ZW10: variants seen among roughly 807,000 people sequenced by gnomAD.
The protein encoded by ZW10 is zw10 kinetochore protein.
In ZW10, 53 loss-of-function variants were observed where a neutral mutation model predicts 87.8. The observed-to-expected ratio is 0.60, with a 90% CI of 0.48 to 0.76. The LOEUF is 0.76. ZW10 is among the 30% of genes least tolerant of loss of function. ZW10 has a pLI of 0.00. For missense variants in ZW10, 837 were observed against 923.0 expected (o/e 0.91, Z 1.21); for synonymous variants, 312 against 329.2 (o/e 0.95, Z 0.57).
chr11:113,749,220 T>C (rs1312470960), intron 7 of ZW10, among the ~76,000 whole-genome samples: 1 of 151,780 alleles, frequency 6.6e-6, no homozygotes, highest in Non-Finnish European at 1.5e-5. Flanking sequence ...TAGAAGAAAG[T>C]GAACATATTA....
At chr11:113,741,101 T>C (rs1953612102) in intron 11 of ZW10, among the ~76,000 whole-genome samples, 1 of 130,076 alleles carries the variant, frequency 7.7e-6, no homozygotes, top group African/African-American at 2.5e-5. Context: ...AACTAAAAAA[T>C]ACTTTAAATA....
In ZW10 at chr11:113,768,920, A is replaced by C; in HGVS notation, c.153T>G (p.Pro51=). The C allele has an allele frequency of 1.2e-6, 2 of 1,614,106 alleles. No homozygotes were observed. Among genetic ancestry groups the C allele is most frequent in the Non-Finnish European group, 1.7e-6 (2 of 1,179,952 alleles). ...TCAGGCCCTGCGCGCTCTGCATGCT[A>C]GGCAGGAATTCACTGTACTTCTTGC... ...MISKKYSEFL[P]SMQSAQGLIT... is the part of the protein sequence containing the mutation. The change falls in exon 2 of 16, where the codon CCT becomes CCG. Residue 51 remains proline (P), a synonymous_variant. Transcript: ENST00000200135.
Position 113,757,781 on chromosome 11 carries a change from T to G in ZW10, c.806A>C (p.Gln269Pro), listed in dbSNP as rs758194228. ...AAAACGAATAATAACTATGTTAGGC[T>G]GGCTTTCTATCACAGCATGAAGGGA... ...CPSLHAVIES[Q>P]PNIVIIRFES... The change falls in exon 7 of 16, where the codon CAG becomes CCG. Residue 269 changes from glutamine to proline, a missense_variant. Coordinates refer to ENST00000200135, the MANE Select transcript of ZW10 (RefSeq NM_004724.4). 6.2e-7 allele frequency: 1 copy of G among 1,613,954 alleles called. No homozygotes were observed. The highest frequency in any genetic ancestry group is 8.5e-7 in the Non-Finnish European group (1 of 1,179,858).
intron 1 of ZW10, among the ~76,000 whole-genome samples, chr11:113,771,965 A>G (rs1953972394): frequency 6.6e-6 from 1 of 152,254 alleles, no homozygotes; most frequent in African/African-American, 2.4e-5. Flanking sequence ...CAGGACTGAA[A>G]TGTAATACAG....
At chr11:113,758,732 G>A in intron 5 of ZW10, 26 bp from the exon 6 acceptor site, 1 of 1,611,670 alleles carries the variant, frequency 6.2e-7, no homozygotes, top group Non-Finnish European at 8.5e-7. Flanking sequence ...AAAAATATCA[G>A]CTGTCTCACC....
intron 7 of ZW10, among the ~76,000 whole-genome samples, chr11:113,754,302 T>C (rs934250476): frequency 6.6e-6 from 1 of 151,978 alleles, no homozygotes; most frequent in Non-Finnish European, 1.5e-5. Context: ...CTGGGCAACA[T>C]AGTGAAACCC....
rs753127322 is a variant in ZW10, at chr11:113,747,517, T to C, written c.1272+14A>G. ...ATACAATGTTTCATATACAATGCAA[T>C]ATAACACTGGTACCTTCACAGTGTT... On this transcript the variant is annotated intron_variant, in intron 9 of 15. Coordinates refer to ENST00000200135, the MANE Select transcript of ZW10 (RefSeq NM_004724.4). 8 of 1,606,760 alleles carry C rather than the reference T, an allele frequency of 5.0e-6. No homozygotes were observed. In the East Asian group the frequency reaches 1.3e-4, roughly 27 times the overall value.
Position 113,757,861 on chromosome 11 carries a change from A to G in ZW10, c.734-8T>C. ...ACTTCAGCAGCATCTGACCTGAAAA[A>G]TCATATGAACATTCATCAAAAAATC... On this transcript the variant is annotated splice_region_variant and splice_polypyrimidine_tract_variant and intron_variant, in intron 6 of 15. Transcript: ENST00000200135. 6.3e-7 allele frequency: 1 copy of G among 1,580,958 alleles called. No individual in the cohort carries two copies.
At chr11:113,760,470 GAAGA>G in intron 4 of ZW10, 39 bp downstream of exon 4, 1 of 1,604,528 alleles carries the variant, frequency 6.2e-7, no homozygotes, top group Non-Finnish European at 8.5e-7. Flanking sequence ...CTGAAAACAA[GAAGA>G]GCACTTATTG....
At chr11:113,752,980 A>G (rs1953749151) in intron 7 of ZW10, among the ~76,000 whole-genome samples, 2 of 152,190 alleles carry the variant, frequency 1.3e-5, no homozygotes, top group South Asian at 4.1e-4. Context: ...GGGTTTTTTT[A>G]GTGTAAACAT....
chr11:113,765,305 T>C lies in ZW10; in HGVS notation c.240+3528A>G, dbSNP rs529466265. Among the ~76,000 whole-genome samples the C allele has an allele frequency of 9.8e-5, 15 of 152,344 alleles. No homozygotes were observed. The East Asian group carries it at 2.7e-3, about 27-fold the overall frequency. ...TATGGGTAAGATGATGTGGAAACTG[T>C]CCACTAAAATCCATTCTCCTTCTTT... On this transcript the variant is annotated intron_variant, in intron 2 of 15. Coordinates refer to ENST00000200135, the MANE Select transcript of ZW10 (RefSeq NM_004724.4).
At chr11:113,768,570 G>C (rs1313918948) in intron 2 of ZW10, among the ~76,000 whole-genome samples, 1 of 152,080 alleles carries the variant, frequency 6.6e-6, no homozygotes, top group Admixed American at 6.5e-5. Flanking sequence ...ACTCACTTTG[G>C]CCACCACAAA....
chr11:113,757,546 TA>T, intron 7 of ZW10, 115 bp downstream of exon 7: 1 of 853,776 alleles, frequency 1.2e-6, no homozygotes, highest in Non-Finnish European at 1.6e-6. Context: ...ACAATTTACT[TA>T]CTTTTCATCC....
intron 4 of ZW10, 62 bp downstream of exon 4, chr11:113,760,451 C>A: frequency 6.2e-7 from 1 of 1,604,452 alleles, no homozygotes; most frequent in Non-Finnish European, 8.5e-7. Flanking sequence ...ATAAAAAATA[C>A]AAAATTTACT....
At chr11:113,743,356 A>C (rs1041756104) in intron 10 of ZW10, among the ~76,000 whole-genome samples, 1 of 152,202 alleles carries the variant, frequency 6.6e-6, no homozygotes, top group African/African-American at 2.4e-5. Flanking sequence ...TAGAAGATAT[A>C]ACTATTACCC....
intron 10 of ZW10, among the ~76,000 whole-genome samples, chr11:113,743,192 G>A (rs1953641187): frequency 6.6e-6 from 1 of 152,198 alleles, no homozygotes; most frequent in Non-Finnish European, 1.5e-5. Flanking sequence ...AGTGAAGCCA[G>A]ATCTTTGGCA....
chr11:113,738,086 G>C (rs949574488), intron 13 of ZW10, among the ~76,000 whole-genome samples, 178 bp downstream of exon 13: 5 of 151,578 alleles, frequency 3.3e-5, no homozygotes. Flanking sequence ...CTTGGTGGGA[G>C]AGGGGAAGAA....
intron 12 of ZW10, 95 bp downstream of exon 12, chr11:113,739,110 GACCACCAC>G: frequency 1.4e-5 from 19 of 1,319,318 alleles, no homozygotes; most frequent in Non-Finnish European, 1.8e-5. Flanking sequence ...TACAGCTCAG[GACCACCAC>G]CTAATTTCTA....
At chr11:113,740,351 G>A (rs184957805) in intron 11 of ZW10, among the ~76,000 whole-genome samples, 2 of 152,252 alleles carry the variant, frequency 1.3e-5, no homozygotes, top group East Asian at 3.9e-4. Context: ...CATTTTGAGA[G>A]ACCAAGGCAG....
Sources: allele counts gnomAD v4.1 joint callset (sites outside exome capture counted in the v4.1 genomes callset), GRCh38; gene constraint gnomAD v4.1.1; transcripts MANE v1.5; gene names NCBI Gene and HGNC (gene_info 2026-07-23, HGNC 2026-07-21).